Variants in ENO4 observed in about 807,000 individuals in gnomAD.
ENO4 encodes the protein enolase 4.
In ENO4, 53 loss-of-function variants were observed where a neutral mutation model predicts 63.2. That is an observed-to-expected ratio of 0.84 (90% confidence interval 0.67 to 1.05). ENO4 has a LOEUF of 1.05. ENO4 is among the 50% of genes least tolerant of loss of function. The probability of loss-of-function intolerance (pLI) is 0.00; values close to 1 mark genes in which losing one functional copy is unlikely to be tolerated. For missense variants in ENO4, 719 were observed against 772.0 expected (o/e 0.93, Z 0.81); for synonymous variants, 266 against 283.8 (o/e 0.94, Z 0.63).
At chr10:116,908,960 A>G (rs535890926) in intron 10 of ENO4, among the ~76,000 whole-genome samples, 1 of 152,330 alleles carries the variant, frequency 6.6e-6, no homozygotes, top group Non-Finnish European at 1.5e-5. Context: ...TGGAGGAAAG[A>G]AAGGTTTCTG....
At chr10:116,872,948 CATA>C (rs1275044223) in intron 9 of ENO4, among the ~76,000 whole-genome samples, 1 of 152,056 alleles carries the variant, frequency 6.6e-6, no homozygotes, top group African/African-American at 2.4e-5. Flanking sequence ...CTATTCTTCA[CATA>C]ATGATTGGTT....
intron 10 of ENO4, chr10:116,900,265 T>G: frequency 2.2e-6 from 1 of 456,664 alleles, no homozygotes; most frequent in Non-Finnish European, 3.9e-6. Context: ...ATTAGAGCTT[T>G]AAGTAGATAA....
chr10:116,857,863 C>G (rs1396079892), intron 3 of ENO4, among the ~76,000 whole-genome samples: 1 of 152,144 alleles, frequency 6.6e-6, no homozygotes, highest in East Asian at 1.9e-4. Flanking sequence ...TCAAGAACTC[C>G]TGACCTCAAG....
intron 10 of ENO4, among the ~76,000 whole-genome samples, chr10:116,875,661 G>A (rs1444699206): frequency 5.3e-5 from 8 of 151,938 alleles, no homozygotes; most frequent in Admixed American, 5.2e-4. Flanking sequence ...AAATAAGGGT[G>A]TTGAGAAGGG....
At chr10:116,911,492 T>C (rs1376655866) in intron 10 of ENO4, 2 of 1,550,490 alleles carry the variant, frequency 1.3e-6, no homozygotes, top group Non-Finnish European at 1.7e-6. Flanking sequence ...CCCTTACATA[T>C]GGCCAGCCAC....
In ENO4 at chr10:116,862,786, G is replaced by T. The variant is rs1296886698; in HGVS notation, c.937-13G>T. 6.5e-6 allele frequency: 10 copies of T among 1,547,218 alleles called. No homozygotes were observed. The highest frequency in any genetic ancestry group is 4.1e-5 in the African/African-American group (3 of 72,996). On this transcript the variant is annotated splice_polypyrimidine_tract_variant and intron_variant, in intron 6 of 13. Coordinates refer to ENST00000341276, the MANE Select transcript of ENO4 (RefSeq NM_001242699.2). ...TCTGCAACTGTGGAAGATCATGGTTGTTCTACTTACAGGGTGTCGAGATGC... is the reference window on the plus strand; with the variant it reads ...TCTGCAACTGTGGAAGATCATGGTTTTTCTACTTACAGGGTGTCGAGATGC...
chr10:116,855,883 T>C, intron 2 of ENO4, 132 bp downstream of exon 2: 1 of 1,042,334 alleles, frequency 9.6e-7, no homozygotes. Flanking sequence ...GGTAGTCATG[T>C]AAGCATGAAT....
chr10:116,892,660 AAC>A (rs1459098663), intron 10 of ENO4, among the ~76,000 whole-genome samples: 1 of 152,198 alleles, frequency 6.6e-6, no homozygotes, highest in Non-Finnish European at 1.5e-5. Context: ...GTATTTTTAA[AAC>A]TCTCTTTTAA....
At chr10:116,856,913 C>T (rs1456612911) in intron 3 of ENO4, among the ~76,000 whole-genome samples, 6 of 151,392 alleles carry the variant, frequency 4.0e-5, no homozygotes, top group Admixed American at 3.3e-4. Context: ...GGCGTGAACC[C>T]GGGAGGCGGA....
At chr10:116,910,957 T>C (rs1848167170) in intron 10 of ENO4, among the ~76,000 whole-genome samples, 1 of 152,204 alleles carries the variant, frequency 6.6e-6, no homozygotes, top group Non-Finnish European at 1.5e-5. Context: ...AATAATCTTG[T>C]TTACCACAAT....
At chr10:116,910,958 TTA>T (rs1848167580) in intron 10 of ENO4, among the ~76,000 whole-genome samples, 1 of 152,214 alleles carries the variant, frequency 6.6e-6, no homozygotes, top group Non-Finnish European at 1.5e-5. Flanking sequence ...ATAATCTTGT[TTA>T]CCACAATTAT....
intron 10 of ENO4, chr10:116,900,194 C>T (rs962070741): frequency 1.4e-5 from 3 of 219,754 alleles, no homozygotes; most frequent in East Asian, 1.9e-4. Context: ...TGTCAAGAAC[C>T]GAATAATCGA....
At chr10:116,875,563 A>T (rs567373266) in intron 10 of ENO4, among the ~76,000 whole-genome samples, 15 of 86,174 alleles carry the variant, frequency 1.7e-4, no homozygotes, top group East Asian at 1.1e-3. Flanking sequence ...CAGGCTGGTC[A>T]CACACACACA....
intron 7 of ENO4, among the ~76,000 whole-genome samples, chr10:116,867,566 G>A (rs576888771): frequency 1.3e-5 from 2 of 152,312 alleles, no homozygotes; most frequent in South Asian, 4.1e-4. Flanking sequence ...TCCGGCCTGT[G>A]TGACAGAGTG....
At position 116,858,199 on chromosome 10, in the gene ENO4, C is replaced by T. The variant is rs971676878; in HGVS notation, c.486-791C>T. On this transcript the variant is annotated intron_variant, in intron 3 of 13. Coordinates refer to ENST00000341276, the MANE Select transcript of ENO4 (RefSeq NM_001242699.2). Reference sequence around the variant, plus strand: ...CTCATTGTTCTCCTGTTTTTGGAACCCACATTCTTTTCTTTCATGATTTGC... The same window carrying T: ...CTCATTGTTCTCCTGTTTTTGGAACTCACATTCTTTTCTTTCATGATTTGC... 3.9e-5 allele frequency among the ~76,000 whole-genome samples: 6 copies of T among 152,068 alleles called. 1 individual carries two copies. The South Asian group carries it at 1.2e-3, about 32-fold the overall frequency.
At chr10:116,893,737 C>T (rs2133308211) in intron 10 of ENO4, among the ~76,000 whole-genome samples, 1 of 152,236 alleles carries the variant, frequency 6.6e-6, no homozygotes, top group East Asian at 1.9e-4. Context: ...GACCCCAAAC[C>T]TCTCTTAAGG....
chr10:116,871,389 C>A, intron 9 of ENO4, 97 bp downstream of exon 9: 1 of 1,104,126 alleles, frequency 9.1e-7, no homozygotes, highest in Non-Finnish European at 1.2e-6. Context: ...ATTGTCCAAA[C>A]AGATCTTATT....
At chr10:116,908,962 A>G in intron 10 of ENO4, among the ~76,000 whole-genome samples, 1 of 152,202 alleles carries the variant, frequency 6.6e-6, no homozygotes, top group East Asian at 1.9e-4. Context: ...GAGGAAAGAA[A>G]GGTTTCTGCA....
At chr10:116,873,811 C>G (rs1184962305) in intron 9 of ENO4, 1 of 950,082 alleles carries the variant, frequency 1.1e-6, no homozygotes, top group Non-Finnish European at 1.3e-6. Flanking sequence ...CTCTGTAATT[C>G]TTGGTGTTTT....
Sources: allele counts gnomAD v4.1 joint callset (sites outside exome capture counted in the v4.1 genomes callset), GRCh38; gene constraint gnomAD v4.1.1; transcripts MANE v1.5; gene names NCBI Gene and HGNC (gene_info 2026-07-23, HGNC 2026-07-21).